C14orf39: variants seen among roughly 807,000 people sequenced by gnomAD.
C14orf39 encodes the protein protein SIX6OS1.
In C14orf39, 66 loss-of-function variants were observed where a neutral mutation model predicts 85.6. That is an observed-to-expected ratio of 0.77 (90% confidence interval 0.63 to 0.95). The LOEUF (loss-of-function observed/expected upper bound fraction) is 0.95, where lower values mean the gene tolerates loss of function less well. Among genes scored for constraint, C14orf39 ranks in the 40% least tolerant of loss-of-function variants. The pLI, the probability that C14orf39 is intolerant of heterozygous loss-of-function variation, is 0.00. For synonymous variants in C14orf39, 242 were observed against 214.0 expected (o/e 1.13, Z -1.14); for missense variants, 735 against 663.9 (o/e 1.11, Z -1.18).
At chr14:60,471,963 T>G (rs2350900) in intron 5 of C14orf39, among the ~76,000 whole-genome samples, 4,975 of 151,940 alleles carry the variant, frequency 0.033, 279 homozygotes, top group African/African-American at 0.11. Flanking sequence ...ATTCTATTCA[T>G]TTTAACTCCT....
rs114981075 is a variant in C14orf39 at position 60,511,248 on chromosome 14, T to A, written c.-144+4147A>T. 2.5e-4 allele frequency: 401 copies of A among 1,613,420 alleles called. 1 individual carries two copies. In the African/African-American group the frequency reaches 4.8e-3, roughly 19 times the overall value. On this transcript the variant is annotated intron_variant, in intron 1 of 5. Coordinates refer to the C14orf39 transcript ENST00000556799. ...ACGTCCAGCGACAGCGAGTGCGACA[T>A]CTGAGTTGCCCATCCAGGATGCTCA...
At chr14:60,493,474 C>T (rs1479666588) in intron 2 of C14orf39, among the ~76,000 whole-genome samples, 1 of 152,166 alleles carries the variant, frequency 6.6e-6, no homozygotes, top group Non-Finnish European at 1.5e-5. Flanking sequence ...TCCAACTGTT[C>T]TACCTTGAAA....
intron 1 of C14orf39, chr14:60,509,443 CG>C (rs760675929): frequency 1.9e-6 from 3 of 1,599,822 alleles, no homozygotes; most frequent in Non-Finnish European, 2.5e-6. Flanking sequence ...AGCAAGTGGC[CG>C]GGGTATGTGA....
At chr14:60,474,343 C>T (rs1409964904) in intron 5 of C14orf39, among the ~76,000 whole-genome samples, 1 of 150,572 alleles carries the variant, frequency 6.6e-6, no homozygotes, top group Non-Finnish European at 1.5e-5. Context: ...ATGTCATCTG[C>T]AAACAGGGAC....
In C14orf39 at chr14:60,454,834, A is replaced by C. The variant is rs558139710; in HGVS notation, c.1503+167T>G. Among the ~76,000 whole-genome samples the C allele has an allele frequency of 5.3e-5, 8 of 152,144 alleles. No homozygotes were observed. The South Asian group carries it at 1.7e-3, about 32-fold the overall frequency. ...TGTCAATATGAGGCATTCAAAGTTG[A>C]AAACAAAAAGGTAATAGGGAACTTT... On this transcript the variant is annotated intron_variant, in intron 16 of 17. Transcript: ENST00000321731.
At chr14:60,446,350 A>G (rs1409156335) in intron 16 of C14orf39, among the ~76,000 whole-genome samples, 1 of 152,204 alleles carries the variant, frequency 6.6e-6, no homozygotes, top group Non-Finnish European at 1.5e-5. Context: ...AGATGCAATA[A>G]AAAATGTTAA....
intron 2 of C14orf39, chr14:60,496,323 T>C: frequency 2.7e-6 from 1 of 363,868 alleles, no homozygotes; most frequent in Non-Finnish European, 5.5e-6. Flanking sequence ...CATCATACCT[T>C]GTTGCCCCAT....
chr14:60,445,327 C>T (rs1489038503), intron 16 of C14orf39, among the ~76,000 whole-genome samples: 1 of 152,092 alleles, frequency 6.6e-6, no homozygotes, highest in Non-Finnish European at 1.5e-5. Flanking sequence ...ACCCATCTTA[C>T]ATGCAGAGAC....
intron 1 of C14orf39, among the ~76,000 whole-genome samples, chr14:60,485,583 G>T (rs535066703): frequency 2.0e-5 from 3 of 152,328 alleles, no homozygotes; most frequent in African/African-American, 7.2e-5. Flanking sequence ...AAAAAAATTG[G>T]AGGTTTTCAC....
chr14:60,473,958 G>C (rs1043796280), intron 5 of C14orf39, among the ~76,000 whole-genome samples: 1 of 152,184 alleles, frequency 6.6e-6, no homozygotes, highest in Non-Finnish European at 1.5e-5. Flanking sequence ...TTGGTAGCTT[G>C]ATGGGGATGG....
chr14:60,473,041 T>C (rs1322644033), intron 5 of C14orf39, among the ~76,000 whole-genome samples: 1 of 152,206 alleles, frequency 6.6e-6, no homozygotes, highest in Non-Finnish European at 1.5e-5. Flanking sequence ...AGTGTTCCTA[T>C]TTCCCCACAT....
At chr14:60,499,839 C>T (rs1282066034) in intron 1 of C14orf39, among the ~76,000 whole-genome samples, 1 of 152,188 alleles carries the variant, frequency 6.6e-6, no homozygotes, top group Non-Finnish European at 1.5e-5. Context: ...AAAGAACAAA[C>T]ATCCCAATGG....
At chr14:60,450,926 G>A (rs1415472287) in intron 16 of C14orf39, among the ~76,000 whole-genome samples, 2 of 152,190 alleles carry the variant, frequency 1.3e-5, no homozygotes, top group East Asian at 1.9e-4. Context: ...TCTGCAAACA[G>A]CACAGCGTTA....
chr14:60,465,968 G>A lies in C14orf39; in HGVS notation c.972+11C>T. On this transcript the variant is annotated intron_variant, in intron 11 of 17. Transcript: ENST00000321731. ...GTATTTAATTTATACTACTAAAAGTGAGACACCTACCTGTGTATCATTTTC... is the reference window on the plus strand; with the variant it reads ...GTATTTAATTTATACTACTAAAAGTAAGACACCTACCTGTGTATCATTTTC... The A allele has an allele frequency of 1.3e-6, 2 of 1,494,786 alleles. No individual in the cohort carries two copies. Among genetic ancestry groups the A allele is most frequent in the African/African-American group, 1.4e-5 (1 of 70,236 alleles). 92.6% of individuals were successfully genotyped at this position (1,494,786 alleles called of 1,614,324 possible).
rs760864779 is a variant in C14orf39, at chr14:60,484,917, T to C, written c.70A>G (p.Ile24Val). The C allele has an allele frequency of 7.0e-6, 11 of 1,571,368 alleles. No individual in the cohort carries two copies. Among genetic ancestry groups the C allele is most frequent in the East Asian group, 4.5e-5 (2 of 44,604 alleles). ...TGAATCATCTCTTCTTTAGTACTTA[T>C]GTCTTGCTCATACTGGAAGACTAAA... is the stretch of plus-strand genomic sequence containing the variant. The part of the protein sequence containing the change: ...LEFVFQYEQD[I>V]STKEEMIQRI... The change falls in exon 3 of 18, where the codon ATA (isoleucine) becomes GTA (valine). Residue 24 changes from isoleucine (I) to valine (V), a missense_variant. Ile to Val is a conservative substitution (Grantham distance 29). Transcript: ENST00000321731. This position sits in a 1 kb window ranked among gnomAD's most constrained non-coding sequence, Gnocchi z 4.2.
chr14:60,492,435 T>C (rs1893003411), intron 2 of C14orf39, among the ~76,000 whole-genome samples: 1 of 152,008 alleles, frequency 6.6e-6, no homozygotes, highest in Admixed American at 6.6e-5. Flanking sequence ...CCTTCAGTAG[T>C]TATAAAGTAA....
chr14:60,462,438 G>T (rs533003739), intron 11 of C14orf39, among the ~76,000 whole-genome samples: 16 of 152,104 alleles, frequency 1.1e-4, no homozygotes, highest in Admixed American at 8.5e-4. Context: ...TTTTATTAAC[G>T]TTTCTTTCAA....
chr14:60,486,941 G>C (rs1303618269), upstream of C14orf39, among the ~76,000 whole-genome samples: 1 of 152,188 alleles, frequency 6.6e-6, no homozygotes, highest in Non-Finnish European at 1.5e-5. Flanking sequence ...TCTTTTGTGT[G>C]TGTGTGAAAA....
At chr14:60,476,333 G>T (rs1046577080) in intron 5 of C14orf39, among the ~76,000 whole-genome samples, 5 of 152,100 alleles carry the variant, frequency 3.3e-5, no homozygotes, top group African/African-American at 1.2e-4. Flanking sequence ...GCAGAGCCTA[G>T]CATAGCTAAG....
Sources: allele counts gnomAD v4.1 joint callset (sites outside exome capture counted in the v4.1 genomes callset), GRCh38; gene constraint gnomAD v4.1.1; non-coding constraint Gnocchi (gnomAD v3.1); transcripts MANE v1.5; gene names NCBI Gene and HGNC (gene_info 2026-07-23, HGNC 2026-07-21).